INSYN2B: variants seen among roughly 807,000 people sequenced by gnomAD.
The protein encoded by INSYN2B is inhibitory synaptic factor family member 2B, also known as protein INSYN2B.
A neutral mutation model predicts 41.2 loss-of-function variants in INSYN2B; 16 were observed. The ratio of observed to expected loss-of-function variants is 0.39; its 90% confidence interval spans 0.26 to 0.59. The LOEUF (loss-of-function observed/expected upper bound fraction) is 0.59. Ranked by LOEUF, INSYN2B falls within the 20% of genes least tolerant of loss-of-function variation. The probability of loss-of-function intolerance (pLI) is 0.57; values close to 1 mark genes in which losing one functional copy is unlikely to be tolerated. For missense variants in INSYN2B, 608 were observed against 646.4 expected (o/e 0.94, Z 0.64); for synonymous variants, 245 against 244.4 (o/e 1.00, Z -0.02).
intron 1 of INSYN2B, among the ~76,000 whole-genome samples, chr5:169,921,834 A>G (rs184361800): frequency 6.6e-6 from 1 of 152,314 alleles, no homozygotes; most frequent in Non-Finnish European, 1.5e-5. Context: ...AAGTTTCTCA[A>G]TTGAATAGTG....
rs56982109 is a variant in INSYN2B, at chr5:169,889,138, C to A, written c.-918-4322G>T. Among the ~76,000 whole-genome samples the A allele has an allele frequency of 6.0e-4, 92 of 152,204 alleles. 2 individuals carry two copies. The East Asian group carries it at 0.016, about 26-fold the overall frequency. On this transcript the variant is annotated intron_variant, in intron 1 of 3. Transcript: ENST00000377365. ...CTCTTGTAAAACAAATGAATATAAT[C>A]CTGTATTATCTAATTTGCCTTAGCT...
intron 1 of INSYN2B, among the ~76,000 whole-genome samples, chr5:169,943,787 C>T (rs933318608): frequency 2.6e-5 from 4 of 152,158 alleles, no homozygotes; most frequent in Admixed American, 6.5e-5. Context: ...CGGTAGGGTC[C>T]AGGGACCTGT....
At chr5:169,865,238 A>C (rs976488801) in intron 3 of INSYN2B, among the ~76,000 whole-genome samples, 2 of 152,118 alleles carry the variant, frequency 1.3e-5, no homozygotes, top group African/African-American at 2.4e-5. Flanking sequence ...TAACATACGG[A>C]CTGCATTGTC....
rs190570591 is a variant in INSYN2B at position 169,941,365 on chromosome 5, G to A, written c.-919+38912C>T. 1.5e-3 allele frequency among the ~76,000 whole-genome samples: 234 copies of A among 152,138 alleles called. 1 individual carries two copies. The highest frequency in any genetic ancestry group is 5.4e-3 in the African/African-American group (224 of 41,512). On this transcript the variant is annotated intron_variant, in intron 1 of 3. Coordinates refer to ENST00000377365, the MANE Select transcript of INSYN2B (RefSeq NM_001129891.3). ...TGGGATTACAGGCCTGTGCCCCCAG[G>A]CCCAGCTAATTTTGTATTTTTAGTA...
chr5:169,928,894 G>A (rs1775608327), intron 1 of INSYN2B, among the ~76,000 whole-genome samples: 1 of 152,188 alleles, frequency 6.6e-6, no homozygotes, highest in Admixed American at 6.5e-5. Flanking sequence ...GGGTGTTTCT[G>A]TTCCTGCTTG....
At chr5:169,880,923 T>C (rs537156462) in intron 3 of INSYN2B, among the ~76,000 whole-genome samples, 1 of 152,322 alleles carries the variant, frequency 6.6e-6, no homozygotes, top group East Asian at 1.9e-4. Context: ...CTGTGCCAAG[T>C]AAGGGCTTGG....
chr5:169,969,290 C>CA (rs1777412483), intron 1 of INSYN2B, among the ~76,000 whole-genome samples: 1 of 151,784 alleles, frequency 6.6e-6, no homozygotes, highest in African/African-American at 2.4e-5. Flanking sequence ...ACTAAAAATA[C>CA]AAAAATTAGC....
At chr5:169,945,784 G>A (rs1041307427) in intron 1 of INSYN2B, among the ~76,000 whole-genome samples, 1 of 152,210 alleles carries the variant, frequency 6.6e-6, no homozygotes, top group African/African-American at 2.4e-5. Context: ...TCAGCAGCCA[G>A]CACCTCTGGC....
At chr5:169,916,818 A>G (rs1774898073) in intron 1 of INSYN2B, among the ~76,000 whole-genome samples, 2 of 152,204 alleles carry the variant, frequency 1.3e-5, no homozygotes. Flanking sequence ...TTTTCAGTTG[A>G]GAAAACTGGA....
intron 1 of INSYN2B, among the ~76,000 whole-genome samples, chr5:169,939,049 A>G (rs1034383099): frequency 2.0e-5 from 3 of 151,138 alleles, no homozygotes; most frequent in Non-Finnish European, 4.4e-5. Context: ...GACTACAGGC[A>G]TGCACCACCA....
At chr5:169,970,276 A>C (rs1204935754) in intron 1 of INSYN2B, among the ~76,000 whole-genome samples, 2 of 152,204 alleles carry the variant, frequency 1.3e-5, no homozygotes, top group African/African-American at 4.8e-5. Flanking sequence ...TGAAAGACAA[A>C]ATAATTGCTC....
In INSYN2B at chr5:169,863,386, T is replaced by C. The variant is rs1429054772; in HGVS notation, c.*887A>G. ...CCTTATCTATGTTACTCATAAGATGTAACTGATGGACAGGTTGCTGGATCT... is the reference window on the plus strand; with the variant it reads ...CCTTATCTATGTTACTCATAAGATGCAACTGATGGACAGGTTGCTGGATCT... On this transcript the variant is annotated 3_prime_UTR_variant, in exon 4 of 4. Coordinates refer to ENST00000377365, the MANE Select transcript of INSYN2B (RefSeq NM_001129891.3). Among the ~76,000 whole-genome samples, 1 of 152,226 alleles carries C rather than the reference T, an allele frequency of 6.6e-6. No homozygotes were observed. Among genetic ancestry groups the C allele is most frequent in the Non-Finnish European group, 1.5e-5 (1 of 68,036 alleles).
At chr5:169,886,312 T>C (rs1772967552) in intron 1 of INSYN2B, among the ~76,000 whole-genome samples, 1 of 152,212 alleles carries the variant, frequency 6.6e-6, no homozygotes, top group African/African-American at 2.4e-5. Context: ...TCTGAGGAGA[T>C]GAACCTACTG....
At chr5:169,913,768 C>A (rs1199581027) in intron 1 of INSYN2B, among the ~76,000 whole-genome samples, 2 of 152,128 alleles carry the variant, frequency 1.3e-5, no homozygotes, top group African/African-American at 4.8e-5. Context: ...ATTGGTCTAA[C>A]CCTCTTATTT....
In INSYN2B at chr5:169,883,612, G is replaced by T. The variant is rs758663090; in HGVS notation, c.287C>A (p.Ala96Glu). The change falls in exon 2 of 4, where the codon GCA (alanine) becomes GAA (glutamate). Residue 96 changes from alanine (A) to glutamate (E), a missense_variant. Transcript: ENST00000377365. ...SQKAGGFRNI[A>E]IQTSPSLRKH... ...CCTGAGACTGGGGGAAGTTTGGATT[G>T]CAATGTTGCGAAAGCCCCCTGCCTT... 8 of 1,551,476 alleles carry T rather than the reference G, an allele frequency of 5.2e-6. No homozygotes were observed. The highest frequency in any genetic ancestry group is 1.4e-5 in the African/African-American group (1 of 73,018).
chr5:169,876,561 G>T (rs185052748), intron 3 of INSYN2B, among the ~76,000 whole-genome samples: 107 of 152,314 alleles, frequency 7.0e-4, no homozygotes, highest in African/African-American at 2.5e-3. Context: ...AAGAACAAGG[G>T]TTTCAATGTC....
chr5:169,945,755 C>T (rs1017144443), intron 1 of INSYN2B, among the ~76,000 whole-genome samples: 10 of 152,126 alleles, frequency 6.6e-5, no homozygotes, highest in Non-Finnish European at 1.0e-4. Flanking sequence ...CTGGTTCTCT[C>T]GGCCCCCAAG....
chr5:169,900,584 C>T (rs183876865), intron 1 of INSYN2B, among the ~76,000 whole-genome samples: 24 of 152,308 alleles, frequency 1.6e-4, no homozygotes, highest in African/African-American at 5.8e-4. Flanking sequence ...TGTCGAGTCT[C>T]TCTCCTTTGG....
chr5:169,876,692 C>G (rs147747544), intron 3 of INSYN2B, among the ~76,000 whole-genome samples: 5 of 152,214 alleles, frequency 3.3e-5, no homozygotes, highest in African/African-American at 1.2e-4. Flanking sequence ...CTTAAAAAGA[C>G]CCATTGAGAA....
Sources: gnomAD v4.1 joint callset for allele counts (sites outside exome capture counted in the v4.1 genomes callset) on GRCh38, gnomAD v4.1.1 for gene constraint, MANE v1.5 for transcripts, NCBI Gene and HGNC (gene_info 2026-07-23, HGNC 2026-07-21) for gene names.